The following SYNE2 variants were observed in gnomAD, a reference collection of about 807,000 sequenced individuals.
The protein encoded by SYNE2 is nesprin-2.
SYNE2 carries 431 observed loss-of-function variants against 856.3 expected under a neutral mutation model. The ratio of observed to expected loss-of-function variants is 0.50; its 90% confidence interval spans 0.47 to 0.55. SYNE2 has a LOEUF of 0.55. Among genes scored for constraint, SYNE2 ranks in the 20% least tolerant of loss-of-function variants. The pLI, the probability that SYNE2 is intolerant of heterozygous loss-of-function variation, is 0.00. For missense variants in SYNE2, 8,129 were observed against 8,023.2 expected (o/e 1.01, Z -0.50); for synonymous variants, 2,923 against 2,872.3 (o/e 1.02, Z -0.56).
rs1555556120 is a variant in SYNE2, at chr14:64,219,109, T to TTG, written c.19658-98_19658-97insGT. 8.0e-6 allele frequency: 7 copies of TTG among 873,090 alleles called. No individual in the cohort carries two copies. The Admixed American group carries it at 1.9e-4, about 23-fold the overall frequency. The allele number at this position is 873,090 out of a possible 1,614,324, so 54.1% of individuals were successfully genotyped here. ...GAATCCCCTACAGTTTTTTTGTTTTTTTTTTTTTTTTTTTTAACCACCCTG... is the reference window on the plus strand; with the variant it reads ...GAATCCCCTACAGTTTTTTTGTTTTTTGTTTTTTTTTTTTTTTAACCACCCTG... On this transcript the variant is annotated intron_variant, in intron 109 of 115. Transcript: ENST00000555002.
chr14:64,086,011 A>G (rs2097558742), intron 57 of SYNE2, among the ~76,000 whole-genome samples: 1 of 152,132 alleles, frequency 6.6e-6, no homozygotes, highest in African/African-American at 2.4e-5. Context: ...TATTAATTTG[A>G]TGAGGTCCAA....
intron 45 of SYNE2, among the ~76,000 whole-genome samples, chr14:64,046,380 G>A (rs1438919750): frequency 6.6e-6 from 1 of 152,152 alleles, no homozygotes; most frequent in Non-Finnish European, 1.5e-5. Context: ...ATGATTTTGA[G>A]CAGGGTCTGT....
chr14:63,990,646 G>T (rs2153485242), intron 20 of SYNE2, 77 bp downstream of exon 20: 3 of 1,264,390 alleles, frequency 2.4e-6, no homozygotes, highest in South Asian at 2.4e-5. Flanking sequence ...GTGAAGGGGG[G>T]TGATAGCCCT....
intron 1 of SYNE2, among the ~76,000 whole-genome samples, chr14:63,780,196 T>A (rs1410745658): frequency 6.6e-6 from 1 of 152,136 alleles, no homozygotes; most frequent in Admixed American, 6.6e-5. Flanking sequence ...CCCTGAACAC[T>A]ACAAAACAAA....
intron 33 of SYNE2, 91 bp from the exon 34 acceptor site, chr14:64,017,504 A>C (rs986491746): frequency 1.7e-6 from 2 of 1,159,774 alleles, no homozygotes; most frequent in African/African-American, 3.1e-5. Flanking sequence ...TAGTAAACTA[A>C]AATTTTATTT....
chr14:64,054,177 A>G (rs937990844), intron 48 of SYNE2, among the ~76,000 whole-genome samples: 1 of 152,174 alleles, frequency 6.6e-6, no homozygotes, highest in Non-Finnish European at 1.5e-5. Context: ...AGTGCCTTCT[A>G]GTTTAGAAAA....
chr14:64,146,995 C>T (rs756373092), intron 84 of SYNE2, among the ~76,000 whole-genome samples: 6 of 152,202 alleles, frequency 3.9e-5, no homozygotes, highest in African/African-American at 7.2e-5. Context: ...TTCACCTGCT[C>T]GTATACTGTT....
At chr14:64,078,786 T>G (rs1317361344) in intron 55 of SYNE2, among the ~76,000 whole-genome samples, 180 bp downstream of exon 55, 1 of 152,162 alleles carries the variant, frequency 6.6e-6, no homozygotes, top group Non-Finnish European at 1.5e-5. Flanking sequence ...AAAATTATTC[T>G]CTTGGCCAGG....
At chr14:63,934,635 T>C (rs1268005465) in intron 2 of SYNE2, among the ~76,000 whole-genome samples, 1 of 152,018 alleles carries the variant, frequency 6.6e-6, no homozygotes, top group African/African-American at 2.4e-5. Flanking sequence ...AGTGGTCTTA[T>C]TCACTCAGTT....
intron 34 of SYNE2, among the ~76,000 whole-genome samples, chr14:64,018,251 T>G (rs1182047786): frequency 6.6e-6 from 1 of 152,046 alleles, no homozygotes; most frequent in Non-Finnish European, 1.5e-5. Flanking sequence ...TCTTTTCTCT[T>G]TTTTTTGAGG....
intron 1 of SYNE2, among the ~76,000 whole-genome samples, chr14:63,899,295 G>A (rs1300655972): frequency 6.6e-6 from 1 of 151,946 alleles, no homozygotes; most frequent in East Asian, 1.9e-4. Flanking sequence ...TCCGCCTCCT[G>A]GGTTCAAGCA....
chr14:64,225,676 G>A lies in SYNE2; in HGVS notation c.*150G>A. The A allele has an allele frequency of 5.8e-6, 5 of 864,254 alleles. No individual in the cohort carries two copies. The Admixed American group carries it at 6.1e-5, about 11-fold the overall frequency. 53.5% of individuals were successfully genotyped at this position (864,254 alleles called of 1,614,324 possible). On this transcript the variant is annotated 3_prime_UTR_variant, in exon 116 of 116. Transcript: ENST00000555002. Reference sequence around the variant, plus strand: ...GGGCTTACCCAGCACGGGCTCCCTGGAGCCCAGGGCAGCTTTCAGATTGTG... The same window carrying A: ...GGGCTTACCCAGCACGGGCTCCCTGAAGCCCAGGGCAGCTTTCAGATTGTG...
chr14:63,881,721 G>A (rs1280100151), intron 1 of SYNE2, among the ~76,000 whole-genome samples: 4 of 151,796 alleles, frequency 2.6e-5, no homozygotes, highest in Non-Finnish European at 5.9e-5. Context: ...CATTTCATGC[G>A]GATGTCAGTG....
intron 49 of SYNE2, among the ~76,000 whole-genome samples, chr14:64,061,589 A>G (rs530223580): frequency 6.6e-6 from 1 of 152,228 alleles, no homozygotes; most frequent in East Asian, 1.9e-4. Flanking sequence ...CGTGGTTTTA[A>G]TTTGCACTTC....
intron 2 of SYNE2, among the ~76,000 whole-genome samples, chr14:63,937,334 A>G (rs188836661): frequency 4.2e-4 from 64 of 152,348 alleles, no homozygotes; most frequent in Non-Finnish European, 7.8e-4. Context: ...GAGAATTAAC[A>G]GTATGGCTGT....
intron 59 of SYNE2, 108 bp from the exon 60 acceptor site, chr14:64,090,758 A>T (rs1567265803): frequency 7.7e-6 from 8 of 1,039,488 alleles, no homozygotes; most frequent in African/African-American, 1.6e-5. Context: ...AAATTATTTT[A>T]AAAATGCAAA....
At chr14:63,802,634 G>C (rs1888186630) in intron 1 of SYNE2, among the ~76,000 whole-genome samples, 1 of 152,156 alleles carries the variant, frequency 6.6e-6, no homozygotes, top group Admixed American at 6.6e-5. Flanking sequence ...GTGGGTTCTT[G>C]GTCTCACTGA....
intron 56 of SYNE2, 101 bp downstream of exon 56, chr14:64,080,739 T>C (rs971186480): frequency 1.6e-5 from 23 of 1,471,968 alleles, no homozygotes; most frequent in Non-Finnish European, 2.1e-5. Flanking sequence ...TGTTGAATTA[T>C]CAGTTTTGGA....
chr14:64,160,175 C>T (rs1020755855), intron 87 of SYNE2, among the ~76,000 whole-genome samples: 9 of 152,108 alleles, frequency 5.9e-5, no homozygotes, highest in Admixed American at 3.3e-4. Context: ...TATTGGAAGA[C>T]GGGGAGGAGA....
Sources: gnomAD v4.1 joint callset for allele counts (sites outside exome capture counted in the v4.1 genomes callset) on GRCh38, gnomAD v4.1.1 for gene constraint, MANE v1.5 for transcripts, NCBI Gene and HGNC (gene_info 2026-07-23, HGNC 2026-07-21) for gene names.